The following TASP1 variants were observed in gnomAD, a reference collection of about 807,000 sequenced individuals.
TASP1 encodes the protein taspase 1, also known as threonine aspartase 1.
Under a neutral mutation model 56.6 loss-of-function variants are expected in TASP1, and 16 were observed. That is an observed-to-expected ratio of 0.28 (90% CI 0.19 to 0.43). The LOEUF is 0.43. Ranked by LOEUF, TASP1 falls within the 20% of genes least tolerant of loss-of-function variation. The pLI is 1.00. For missense variants in TASP1, 393 were observed against 511.6 expected (o/e 0.77, Z 2.24); for synonymous variants, 179 against 184.2 (o/e 0.97, Z 0.23).
At chr20:13,190,975 G>A in the TASP1 span, among the ~76,000 whole-genome samples, 1 of 151,942 alleles carries the variant, frequency 6.6e-6, no homozygotes, top group East Asian at 1.9e-4. Context: ...CATACAAATG[G>A]CCAAAAGGTG....
chr20:13,597,781 C>T (rs576702786), intron 4 of TASP1, among the ~76,000 whole-genome samples: 1 of 152,144 alleles, frequency 6.6e-6, no homozygotes, highest in East Asian at 1.9e-4. Flanking sequence ...ATTTAGAAAA[C>T]CCCATCATCT....
At chr20:13,148,286 G>A in the TASP1 span, among the ~76,000 whole-genome samples, 1 of 152,172 alleles carries the variant, frequency 6.6e-6, no homozygotes. Context: ...TTGGAGGGGA[G>A]GTTAAAGTAT....
chr20:13,262,465 CTT>C, the TASP1 span, among the ~76,000 whole-genome samples: 7 of 145,106 alleles, frequency 4.8e-5, no homozygotes, highest in Admixed American at 6.9e-5. Context: ...TTTTCTTTTT[CTT>C]TTTTTTTTTG....
At chr20:13,328,612 A>T in the TASP1 span, among the ~76,000 whole-genome samples, 3 of 152,244 alleles carry the variant, frequency 2.0e-5, no homozygotes, top group African/African-American at 7.2e-5. Flanking sequence ...TACAACATGG[A>T]ATACTATGCT....
chr20:13,460,925 A>G (rs2044029433), intron 11 of TASP1, among the ~76,000 whole-genome samples: 1 of 152,116 alleles, frequency 6.6e-6, no homozygotes, highest in Non-Finnish European at 1.5e-5. Flanking sequence ...AATAAAATGT[A>G]ATTCAGGCCA....
intron 9 of TASP1, among the ~76,000 whole-genome samples, chr20:13,533,540 G>C (rs1324757459): frequency 1.3e-5 from 2 of 152,140 alleles, no homozygotes. Flanking sequence ...TGAAATACTG[G>C]TTATTTTCTA....
At chr20:13,148,011 G>T in the TASP1 span, among the ~76,000 whole-genome samples, 1 of 152,188 alleles carries the variant, frequency 6.6e-6, no homozygotes, top group Non-Finnish European at 1.5e-5. Flanking sequence ...TTTTGCTTAG[G>T]ATTACGGGGG....
chr20:13,509,778 C>A (rs1329038352), intron 10 of TASP1, among the ~76,000 whole-genome samples: 2 of 152,180 alleles, frequency 1.3e-5, no homozygotes. Flanking sequence ...AGGCGCGCAC[C>A]ATCACGCCCG....
At chr20:13,358,012 C>T in the TASP1 span, among the ~76,000 whole-genome samples, 1 of 152,132 alleles carries the variant, frequency 6.6e-6, no homozygotes, top group Non-Finnish European at 1.5e-5. Context: ...TGATGAAATT[C>T]CCCCACAAAA....
At chr20:13,444,136 T>C (rs964590236) in intron 11 of TASP1, among the ~76,000 whole-genome samples, 1 of 152,158 alleles carries the variant, frequency 6.6e-6, no homozygotes, top group Non-Finnish European at 1.5e-5. Flanking sequence ...TTTTCAGTAT[T>C]AGAGATTCAT....
At chr20:13,235,389 C>A in the TASP1 span, among the ~76,000 whole-genome samples, 1 of 152,198 alleles carries the variant, frequency 6.6e-6, no homozygotes, top group Admixed American at 6.5e-5. Flanking sequence ...CAGTTCTGCT[C>A]CTCAGTTAAG....
At chr20:13,530,328 T>C (rs1024593865) in intron 9 of TASP1, among the ~76,000 whole-genome samples, 4 of 152,212 alleles carry the variant, frequency 2.6e-5, no homozygotes, top group African/African-American at 9.6e-5. Flanking sequence ...ATCTGTTTAC[T>C]GTTTCTGACA....
the TASP1 span, among the ~76,000 whole-genome samples, chr20:13,230,396 G>A: frequency 1.8e-4 from 28 of 151,904 alleles, no homozygotes; most frequent in Middle Eastern, 3.4e-3. Context: ...TTCCTTTGTC[G>A]TCTCCAAATT....
the TASP1 span, among the ~76,000 whole-genome samples, chr20:13,160,939 C>T: frequency 3.3e-5 from 5 of 152,172 alleles, no homozygotes; most frequent in African/African-American, 1.2e-4. Context: ...TATCGAGCAT[C>T]ATTCAAGACT....
the TASP1 span, among the ~76,000 whole-genome samples, chr20:13,231,321 C>T: frequency 3.9e-5 from 6 of 152,354 alleles, no homozygotes; most frequent in East Asian, 7.7e-4. Context: ...ACCCCATGCC[C>T]TCCCGGAGCA....
the TASP1 span, among the ~76,000 whole-genome samples, chr20:13,274,837 G>A: frequency 1.5e-3 from 235 of 152,338 alleles, 1 homozygote; most frequent in Non-Finnish European, 1.3e-3. Context: ...AGCTGTGGAA[G>A]TGAGGAGGGG....
At chr20:13,233,859 G>A in the TASP1 span, among the ~76,000 whole-genome samples, 5 of 152,158 alleles carry the variant, frequency 3.3e-5, no homozygotes, top group African/African-American at 7.2e-5. Context: ...CAGCCCTTGC[G>A]CCCAGAATGC....
At chr20:13,126,113 C>G in the TASP1 span, among the ~76,000 whole-genome samples, 1 of 152,132 alleles carries the variant, frequency 6.6e-6, no homozygotes, top group Non-Finnish European at 1.5e-5. Context: ...CTAGAAGGAC[C>G]CTCTCTCTTT....
At chr20:13,462,651 A>G (rs1371461376) in intron 11 of TASP1, among the ~76,000 whole-genome samples, 1 of 152,186 alleles carries the variant, frequency 6.6e-6, no homozygotes, top group African/African-American at 2.4e-5. Context: ...GAATTTCTAC[A>G]TACTAACAGT....
Sources: allele counts gnomAD v4.1 joint callset (sites outside exome capture counted in the v4.1 genomes callset), GRCh38; gene constraint gnomAD v4.1.1; transcripts MANE v1.5; gene names NCBI Gene and HGNC (gene_info 2026-07-23, HGNC 2026-07-21).